Variants in DLGAP1 observed in about 807,000 individuals in gnomAD.
DLGAP1 encodes the protein disks large-associated protein 1.
DLGAP1 carries 11 observed loss-of-function variants against 90.8 expected under a neutral mutation model. The ratio of observed to expected loss-of-function variants is 0.12; its 90% CI spans 0.08 to 0.20. The LOEUF is 0.20. Among genes scored for constraint, DLGAP1 ranks in the 10% least tolerant of loss-of-function variants. The pLI is 1.00. For missense variants in DLGAP1, 1,050 were observed against 1,333.8 expected, an observed-to-expected ratio of 0.79 and a Z score of 3.31; for synonymous variants, 558 against 540.7, an observed-to-expected ratio of 1.03 and a Z score of -0.44.
intron 1 of DLGAP1, among the ~76,000 whole-genome samples, chr18:4,390,037 G>A (rs141469527): frequency 6.1e-4 from 93 of 152,144 alleles, no homozygotes; most frequent in African/African-American, 2.2e-3. Context: ...AGGGCTAAAT[G>A]AGGTATGGTT....
chr18:4,079,158 T>C (rs1017487029), intron 2 of DLGAP1, among the ~76,000 whole-genome samples: 22 of 152,032 alleles, frequency 1.4e-4, no homozygotes, highest in African/African-American at 5.3e-4. Flanking sequence ...GCTGGCCTCA[T>C]TAGGCATATG....
chr18:4,173,016 G>A (rs1292561844), intron 1 of DLGAP1, among the ~76,000 whole-genome samples: 8 of 152,204 alleles, frequency 5.3e-5, no homozygotes, highest in African/African-American at 1.9e-4. Flanking sequence ...ATTTTGCTAT[G>A]ATAGAAGGTT....
intron 2 of DLGAP1, among the ~76,000 whole-genome samples, chr18:4,058,802 A>G (rs2075259655): frequency 6.6e-6 from 1 of 152,190 alleles, no homozygotes; most frequent in East Asian, 1.9e-4. Flanking sequence ...AAGGGAGAGG[A>G]GTCTAGATTC....
intron 3 of DLGAP1, among the ~76,000 whole-genome samples, chr18:3,995,932 T>G (rs534025000): frequency 4.9e-4 from 75 of 152,210 alleles, no homozygotes; most frequent in African/African-American, 1.7e-3. Flanking sequence ...TTAGATACTA[T>G]TAAATAATTC....
At chr18:4,306,297 G>A (rs1288805659) in intron 1 of DLGAP1, among the ~76,000 whole-genome samples, 1 of 152,078 alleles carries the variant, frequency 6.6e-6, no homozygotes, top group Non-Finnish European at 1.5e-5. Context: ...TAGAGGGACT[G>A]ACAGAAAGCT....
chr18:3,633,401 C>CAA (rs60320308), intron 7 of DLGAP1, among the ~76,000 whole-genome samples: 13 of 61,872 alleles, frequency 2.1e-4, no homozygotes, highest in African/African-American at 3.6e-4. Flanking sequence ...GACTTCATCT[C>CAA]AAAAAAAAAA....
At chr18:3,759,704 T>G (rs1456542443) in intron 5 of DLGAP1, among the ~76,000 whole-genome samples, 1 of 152,232 alleles carries the variant, frequency 6.6e-6, no homozygotes, top group Non-Finnish European at 1.5e-5. Context: ...CAGAACTGAC[T>G]TCAGTGTAAT....
intron 4 of DLGAP1, among the ~76,000 whole-genome samples, chr18:3,815,018 T>C (rs1216731630): frequency 6.6e-6 from 1 of 152,230 alleles, no homozygotes; most frequent in East Asian, 1.9e-4. Context: ...ATTAAAACCA[T>C]TGGCTTTGAA....
intron 1 of DLGAP1, among the ~76,000 whole-genome samples, chr18:4,338,657 C>A (rs1322222256): frequency 6.6e-6 from 1 of 152,050 alleles, no homozygotes; most frequent in Admixed American, 6.6e-5. Context: ...CTTTGTATGG[C>A]AAGATGATAA....
chr18:3,634,331 A>G (rs2058623862), intron 7 of DLGAP1, among the ~76,000 whole-genome samples: 1 of 152,148 alleles, frequency 6.6e-6, no homozygotes, highest in Non-Finnish European at 1.5e-5. Context: ...ATCTACTCCA[A>G]AGAAAAAAGT....
chr18:3,820,485 G>A (rs576554135), intron 4 of DLGAP1, among the ~76,000 whole-genome samples: 1 of 152,192 alleles, frequency 6.6e-6, no homozygotes, highest in African/African-American at 2.4e-5. Context: ...TGAATGGTGG[G>A]CATGAGGGAT....
At chr18:3,761,041 GTCTC>G (rs905340821) in intron 5 of DLGAP1, among the ~76,000 whole-genome samples, 19 of 152,284 alleles carry the variant, frequency 1.2e-4, no homozygotes, top group Non-Finnish European at 2.5e-4. Context: ...ACATCTGTCT[GTCTC>G]TCTGTCTTTC....
chr18:4,152,391 C>T (rs557086986), intron 1 of DLGAP1, among the ~76,000 whole-genome samples: 2 of 152,044 alleles, frequency 1.3e-5, no homozygotes, highest in Non-Finnish European at 2.9e-5. Context: ...ATTCATTTTA[C>T]AGAAGAGGAA....
intron 8 of DLGAP1, among the ~76,000 whole-genome samples, chr18:3,577,743 A>G (rs774817841): frequency 2.6e-5 from 4 of 152,014 alleles, no homozygotes; most frequent in Non-Finnish European, 5.9e-5. Flanking sequence ...TAGTCATTGT[A>G]TATAAATTTA....
At chr18:3,960,046 CCT>C (rs1221959270) in intron 3 of DLGAP1, among the ~76,000 whole-genome samples, 2 of 152,162 alleles carry the variant, frequency 1.3e-5, no homozygotes, top group Admixed American at 6.5e-5. Flanking sequence ...AAAATCCTCC[CCT>C]GAGTATTATC....
chr18:3,955,264 C>G (rs1052072419), intron 3 of DLGAP1, among the ~76,000 whole-genome samples: 5 of 152,100 alleles, frequency 3.3e-5, no homozygotes, highest in Admixed American at 1.3e-4. Context: ...CCGGACTTGT[C>G]TAACAAATCA....
At chr18:3,897,778 ATTTTTTTTTTTTT>A (rs869170460) in intron 3 of DLGAP1, among the ~76,000 whole-genome samples, 1 of 94,476 alleles carries the variant, frequency 1.1e-5, no homozygotes, top group Non-Finnish European at 2.0e-5. Flanking sequence ...CGAATTTCTG[ATTTTTTTTTTTTT>A]TTTTTTTTTT....
At chr18:3,545,614 T>C (rs2052968983) in intron 9 of DLGAP1, among the ~76,000 whole-genome samples, 1 of 152,146 alleles carries the variant, frequency 6.6e-6, no homozygotes, top group South Asian at 2.1e-4. Context: ...CTCAGCACTT[T>C]GGGAAGCTGA....
chr18:4,310,406 A>G (rs1218951856), intron 1 of DLGAP1, among the ~76,000 whole-genome samples: 1 of 152,188 alleles, frequency 6.6e-6, no homozygotes. Context: ...TAAAATTCCA[A>G]TTGCCATCTT....
Sources: allele counts gnomAD v4.1 joint callset (sites outside exome capture counted in the v4.1 genomes callset), GRCh38; gene constraint gnomAD v4.1.1; transcripts MANE v1.5; gene names NCBI Gene and HGNC (gene_info 2026-07-23, HGNC 2026-07-21).